The following SPATA13 variants were observed in gnomAD, a reference collection of about 807,000 sequenced individuals.
The protein encoded by SPATA13 is spermatogenesis associated 13, also known as spermatogenesis-associated protein 13.
A neutral mutation model predicts 104.0 loss-of-function variants in SPATA13; 50 were observed. That is an observed-to-expected ratio of 0.48 (90% CI 0.38 to 0.61). SPATA13 has a LOEUF of 0.61. Among genes scored for constraint, SPATA13 ranks in the 20% least tolerant of loss-of-function variants. SPATA13 has a pLI of 0.00. For missense variants in SPATA13, 1,524 were observed against 1,690.6 expected, an observed-to-expected ratio of 0.90 and a Z score of 1.73; for synonymous variants, 606 against 667.5, an observed-to-expected ratio of 0.91 and a Z score of 1.42.
At position 24,161,516 on chromosome 13, in the gene SPATA13, G is replaced by A. The variant is rs551486103; in HGVS notation, c.-112+584G>A. The stretch of plus-strand genomic sequence containing the variant: ...TGTGGACTGCAGGGAATGCATTGGC[G>A]GAGTTGGTTTGGTCCCATTCTGTGC... On this transcript the variant is annotated intron_variant, in intron 1 of 12. Coordinates refer to ENST00000382108, the MANE Select transcript of SPATA13 (RefSeq NM_001166271.3). The surrounding 1 kb of genome is among the most constrained non-coding windows in gnomAD (Gnocchi z 4.5). Among the ~76,000 whole-genome samples, 94 of 152,308 alleles carry A rather than the reference G, an allele frequency of 6.2e-4. No homozygotes were observed. Among genetic ancestry groups the A allele is most frequent in the African/African-American group, 2.2e-3 (93 of 41,558 alleles).
At chr13:24,141,292 G>A (rs1278386589) in intron 3 of SPATA13, among the ~76,000 whole-genome samples, 1 of 152,102 alleles carries the variant, frequency 6.6e-6, no homozygotes, top group Non-Finnish European at 1.5e-5. Context: ...ACCAGCCTGG[G>A]CAACATAGTG....
intron 3 of SPATA13, among the ~76,000 whole-genome samples, chr13:24,072,753 C>A (rs1879208586): frequency 6.6e-6 from 1 of 151,854 alleles, no homozygotes; most frequent in South Asian, 2.1e-4. Flanking sequence ...TGGAGCCTCT[C>A]CTCCCTCGGC....
intron 1 of SPATA13, among the ~76,000 whole-genome samples, chr13:24,174,950 T>G (rs1258969605): frequency 6.6e-6 from 1 of 152,248 alleles, no homozygotes; most frequent in Admixed American, 6.5e-5. Flanking sequence ...TATCCAGATG[T>G]TTGGAGATTT....
intron 4 of SPATA13, among the ~76,000 whole-genome samples, chr13:24,281,557 C>T (rs1258051985): frequency 6.6e-6 from 1 of 152,202 alleles, no homozygotes; most frequent in South Asian, 2.1e-4. Flanking sequence ...GTGGCGTGTG[C>T]TGTCATGGAC....
chr13:24,178,911 C>CCTGG (rs1346168619), intron 1 of SPATA13, among the ~76,000 whole-genome samples: 1 of 152,152 alleles, frequency 6.6e-6, no homozygotes, highest in African/African-American at 2.4e-5. Flanking sequence ...GAAAGGAAAC[C>CCTGG]CTGGACCCAT....
intron 3 of SPATA13, among the ~76,000 whole-genome samples, chr13:24,045,770 G>C (rs989175041): frequency 6.7e-6 from 1 of 148,478 alleles, no homozygotes; most frequent in African/African-American, 2.6e-5. Flanking sequence ...CTGAGCCACA[G>C]GGTTGCTGGG....
rs1875738675 is a variant in SPATA13 at position 24,284,124 on chromosome 13, G to A, written c.2165-11G>A. On this transcript the variant is annotated splice_polypyrimidine_tract_variant and intron_variant, in intron 4 of 12. Transcript: ENST00000382108. ...GTCTTTTAAATCATGCCTTTGTTTT[G>A]TATGTTTTAGTTTCTTCAGATGGAG... 1 of 1,597,592 alleles carries A rather than the reference G, an allele frequency of 6.3e-7. No individual in the cohort carries two copies. Among genetic ancestry groups the A allele is most frequent in the Admixed American group, 1.7e-5 (1 of 58,470 alleles).
chr13:24,216,441 G>A (rs762914695), intron 1 of SPATA13, among the ~76,000 whole-genome samples: 13 of 152,342 alleles, frequency 8.5e-5, no homozygotes, highest in Middle Eastern at 6.8e-3. Context: ...TCACACGCTT[G>A]TATGAAATTG....
At chr13:24,119,067 T>C (rs1226642065) in intron 3 of SPATA13, among the ~76,000 whole-genome samples, 2 of 151,980 alleles carry the variant, frequency 1.3e-5, no homozygotes, top group Non-Finnish European at 2.9e-5. Context: ...CACCGCTCCC[T>C]GCTAATTTTT....
intron 2 of SPATA13, among the ~76,000 whole-genome samples, chr13:24,233,077 T>A (rs1872374486): frequency 1.3e-5 from 2 of 152,250 alleles, no homozygotes; most frequent in Admixed American, 1.3e-4. Context: ...TATGAACATC[T>A]GTTTATCCAG....
At chr13:24,105,315 G>C (rs1032819282) in intron 3 of SPATA13, among the ~76,000 whole-genome samples, 2 of 151,828 alleles carry the variant, frequency 1.3e-5, no homozygotes, top group African/African-American at 2.4e-5. Context: ...TTTGTATTTT[G>C]GGGGGTAGAG....
intron 2 of SPATA13, among the ~76,000 whole-genome samples, chr13:24,245,120 C>T (rs143559243): frequency 0.011 from 1,681 of 152,212 alleles, 35 homozygotes; most frequent in African/African-American, 0.038. Flanking sequence ...TTGGTGCATC[C>T]GTGGGCCCCG....
intron 3 of SPATA13, among the ~76,000 whole-genome samples, chr13:24,092,044 A>T (rs1449781640): frequency 6.6e-6 from 1 of 152,198 alleles, no homozygotes; most frequent in African/African-American, 2.4e-5. Context: ...TTGACTAAAC[A>T]CTTTACTCCT....
intron 1 of SPATA13, among the ~76,000 whole-genome samples, chr13:24,211,258 C>T (rs554744598): frequency 1.3e-5 from 2 of 152,076 alleles, no homozygotes; most frequent in South Asian, 4.2e-4. Flanking sequence ...TTTCTCTTGC[C>T]CATTTGCTCT....
chr13:24,233,015 T>C (rs1387301413), intron 2 of SPATA13, among the ~76,000 whole-genome samples: 2 of 152,224 alleles, frequency 1.3e-5, no homozygotes, highest in African/African-American at 2.4e-5. Flanking sequence ...TTTAGGTATA[T>C]GCCCCATGTT....
intron 2 of SPATA13, among the ~76,000 whole-genome samples, chr13:24,244,302 A>G (rs1003143536): frequency 6.6e-6 from 1 of 152,216 alleles, no homozygotes; most frequent in East Asian, 1.9e-4. Context: ...TCTAAATAAA[A>G]TCTCACAGGT....
At chr13:23,987,001 C>CTG (rs113990315) in intron 2 of SPATA13, among the ~76,000 whole-genome samples, 37,751 of 141,212 alleles carry the variant, frequency 0.27, 5,129 homozygotes, top group Admixed American at 0.36. Context: ...ATGGATATAT[C>CTG]TGTGTGTGTG....
chr13:24,141,010 A>G (rs1881745155), intron 3 of SPATA13, among the ~76,000 whole-genome samples: 1 of 152,100 alleles, frequency 6.6e-6, no homozygotes, highest in Non-Finnish European at 1.5e-5. Flanking sequence ...CCCTGTCTCT[A>G]CTAAAAATAC....
intron 2 of SPATA13, among the ~76,000 whole-genome samples, chr13:24,001,850 A>C (rs1045180383): frequency 1.3e-5 from 2 of 152,038 alleles, no homozygotes; most frequent in Admixed American, 1.3e-4. Flanking sequence ...AGGCTCCGGC[A>C]CTGACCCCAG....
Sources: gnomAD v4.1 joint callset for allele counts (sites outside exome capture counted in the v4.1 genomes callset) on GRCh38, gnomAD v4.1.1 for gene constraint, Gnocchi (gnomAD v3.1) non-coding constraint, MANE v1.5 for transcripts, NCBI Gene and HGNC (gene_info 2026-07-23, HGNC 2026-07-21) for gene names.